The following FYB2 variants were observed in gnomAD, a reference collection of about 807,000 sequenced individuals.
FYB2 encodes FYN binding protein 2, also known as FYN-binding protein 2.
A neutral mutation model predicts 94.1 loss-of-function variants in FYB2; 103 were observed. The observed-to-expected ratio is 1.09, with a 90% CI of 0.93 to 1.29. The LOEUF is 1.29. Among genes scored for constraint, FYB2 ranks in the 50% most tolerant of loss-of-function variants. The pLI, the probability that FYB2 is intolerant of heterozygous loss-of-function variation, is 0.00. For missense variants in FYB2, 896 were observed against 841.5 expected (o/e 1.06, Z -0.80); for synonymous variants, 293 against 287.9 (o/e 1.02, Z -0.18).
At position 56,726,495 on chromosome 1, in the gene FYB2, A is replaced by G; in HGVS notation, c.1880+2T>C. The G allele has an allele frequency of 1.2e-6, 2 of 1,610,794 alleles. No individual in the cohort carries two copies. Among genetic ancestry groups the G allele is most frequent in the Non-Finnish European group, 1.7e-6 (2 of 1,178,386 alleles). On this transcript the variant is annotated splice_donor_variant, in intron 16 of 19. Coordinates refer to ENST00000343433, the MANE Select transcript of FYB2 (RefSeq NM_001004303.5). LOFTEE classifies it high-confidence loss of function. ...ATAATAGAAGTGCCTCTGTGTTCCC[A>G]CCTTTCTGATTCTTCAGCACCGTTT...
chr1:56,741,252 A>G (rs1362840072), intron 12 of FYB2, among the ~76,000 whole-genome samples: 2 of 152,104 alleles, frequency 1.3e-5, no homozygotes. Flanking sequence ...CCAGTCAACT[A>G]TGAAGGGAGT....
intron 13 of FYB2, among the ~76,000 whole-genome samples, chr1:56,738,944 T>C (rs1398832844): frequency 6.6e-6 from 1 of 151,940 alleles, no homozygotes; most frequent in Non-Finnish European, 1.5e-5. Flanking sequence ...AACTAGAACT[T>C]TGAGAACAAA....
intron 8 of FYB2, 141 bp from the exon 9 acceptor site, chr1:56,751,344 A>G (rs781113257): frequency 1.6e-5 from 16 of 976,946 alleles, no homozygotes; most frequent in Non-Finnish European, 2.0e-5. Context: ...ATCTTACTAG[A>G]CTCTAAGTTT....
At chr1:56,787,090 T>A in intron 4 of FYB2, 85 bp downstream of exon 4, 1 of 1,421,038 alleles carries the variant, frequency 7.0e-7, no homozygotes. Context: ...AGATTCTTGG[T>A]TTGTGCTAAT....
chr1:56,723,535 G>T, intron 17 of FYB2, 53 bp downstream of exon 17: 1 of 1,057,048 alleles, frequency 9.5e-7, no homozygotes, highest in Non-Finnish European at 1.4e-6. Context: ...TTTTTTAAAT[G>T]AAAGCTCCTA....
chr1:56,792,296 T>C lies in FYB2; in HGVS notation c.517A>G (p.Lys173Glu), dbSNP rs1286386258. 6 of 1,613,988 alleles carry C rather than the reference T, an allele frequency of 3.7e-6. No individual in the cohort carries two copies. Among genetic ancestry groups the C allele is most frequent in the Non-Finnish European group, 4.2e-6 (5 of 1,179,994 alleles). The stretch of plus-strand genomic sequence containing the variant: ...TCCTCTGGAGTAAGCCCCATGCCTT[T>C]TTGCCCTTCCAGATGGATGGCCTTA... ...GSKAIHLEGQKGMGLTPEEPR... is the reference protein window; with the variant it reads ...GSKAIHLEGQEGMGLTPEEPR... Residue 173 changes from lysine to glutamate, a missense_variant, in exon 2 of 20, where the codon AAA becomes GAA. Coordinates refer to ENST00000343433, the MANE Select transcript of FYB2 (RefSeq NM_001004303.5).
upstream of FYB2, among the ~76,000 whole-genome samples, chr1:56,822,747 TA>T (rs10657945): frequency 8.3e-5 from 12 of 144,566 alleles, no homozygotes; most frequent in African/African-American, 5.1e-5. Context: ...TACCCCGATG[TA>T]AAAAAAAAAA....
chr1:56,822,879 G>T (rs1647000738), upstream of FYB2, among the ~76,000 whole-genome samples: 1 of 151,568 alleles, frequency 6.6e-6, no homozygotes, highest in African/African-American at 2.4e-5. Flanking sequence ...TTGATTGTCA[G>T]AGTTAGGCTG....
At position 56,751,280 on chromosome 1, in the gene FYB2, T is replaced by C. The variant is rs751575941; in HGVS notation, c.1228-77A>G. The stretch of plus-strand genomic sequence containing the variant: ...GTTCTTTGCTTACTTGTACAGTTTT[T>C]CATTCATTCCTCATGGATAACAATT... On this transcript the variant is annotated intron_variant, in intron 8 of 19. Transcript: ENST00000343433. 3.7e-4 allele frequency: 498 copies of C among 1,357,944 alleles called. 1 individual carries two copies. The highest frequency in any genetic ancestry group is 4.7e-4 in the Non-Finnish European group (466 of 993,310). 84.1% of individuals were successfully genotyped at this position (1,357,944 alleles called of 1,614,324 possible).
chr1:56,803,743 T>C (rs1256260771), intron 1 of FYB2, among the ~76,000 whole-genome samples: 1 of 152,238 alleles, frequency 6.6e-6, no homozygotes, highest in Non-Finnish European at 1.5e-5. Context: ...GTAGAACTCC[T>C]GGGCTCCCTC....
chr1:56,769,829 T>C (rs1645713517), intron 4 of FYB2, among the ~76,000 whole-genome samples: 1 of 152,128 alleles, frequency 6.6e-6, no homozygotes, highest in Admixed American at 6.5e-5. Context: ...AAATTCCAAA[T>C]AGGTCAAGGA....
intron 1 of FYB2, among the ~76,000 whole-genome samples, chr1:56,793,655 A>T (rs1016587701): frequency 1.3e-4 from 20 of 151,062 alleles, no homozygotes; most frequent in Non-Finnish European, 2.2e-4. Flanking sequence ...TGATGGAATC[A>T]TTCATACACT....
At chr1:56,746,004 G>C (rs1031626669) in intron 9 of FYB2, among the ~76,000 whole-genome samples, 4 of 151,738 alleles carry the variant, frequency 2.6e-5, no homozygotes, top group African/African-American at 9.7e-5. Flanking sequence ...TGAGGTTTTT[G>C]AAGTAATCTA....
chr1:56,810,793 T>C (rs1646750250), intron 1 of FYB2, among the ~76,000 whole-genome samples: 1 of 152,204 alleles, frequency 6.6e-6, no homozygotes, highest in Non-Finnish European at 1.5e-5. Context: ...TTTGGGTTAA[T>C]TAACAAGAGG....
At chr1:56,792,953 T>C in intron 1 of FYB2, 150 bp from the exon 2 acceptor site, 1 of 794,086 alleles carries the variant, frequency 1.3e-6, no homozygotes. Context: ...ACTGCTGATA[T>C]AACGCAATTG....
upstream of FYB2, chr1:56,819,463 G>A: frequency 1.1e-6 from 1 of 924,726 alleles, no homozygotes; most frequent in South Asian, 1.6e-5. Context: ...CTCCTCCCTT[G>A]CCTGGGGCTG....
chr1:56,727,072 G>T (rs575365071), intron 15 of FYB2, among the ~76,000 whole-genome samples: 1 of 152,084 alleles, frequency 6.6e-6, no homozygotes, highest in Non-Finnish European at 1.5e-5. Context: ...AAGGGAGAAG[G>T]TATTTATTAT....
chr1:56,725,713 C>T (rs749145625), intron 16 of FYB2, among the ~76,000 whole-genome samples: 6 of 152,132 alleles, frequency 3.9e-5, no homozygotes, highest in East Asian at 3.9e-4. Context: ...AATAAACTTA[C>T]GAGAAGGGCC....
intron 15 of FYB2, among the ~76,000 whole-genome samples, chr1:56,735,413 C>T (rs973241951): frequency 2.0e-5 from 3 of 152,040 alleles, no homozygotes; most frequent in Non-Finnish European, 4.4e-5. Context: ...AGAAAGGTTG[C>T]TGTCATAGAA....
Sources: allele counts gnomAD v4.1 joint callset (sites outside exome capture counted in the v4.1 genomes callset), GRCh38; gene constraint gnomAD v4.1.1; transcripts MANE v1.5; gene names NCBI Gene and HGNC (gene_info 2026-07-23, HGNC 2026-07-21).